The following GPC5 variants were observed in gnomAD, a reference collection of about 807,000 sequenced individuals.
GPC5 encodes glypican 5, also known as glypican-5.
In GPC5, 47 loss-of-function variants were observed where a neutral mutation model predicts 53.9. The ratio of observed to expected loss-of-function variants is 0.87; its 90% CI spans 0.69 to 1.11. GPC5 has a LOEUF of 1.11. GPC5 is among the 50% of genes most tolerant of loss of function. The pLI is 0.00. For missense variants in GPC5, 748 were observed against 713.1 expected (o/e 1.05, Z -0.56); for synonymous variants, 286 against 263.3 (o/e 1.09, Z -0.84).
intron 2 of GPC5, among the ~76,000 whole-genome samples, chr13:91,488,647 T>C (rs1883752019): frequency 1.3e-5 from 2 of 152,242 alleles, no homozygotes; most frequent in Admixed American, 6.5e-5. Context: ...CTTTAATCTC[T>C]TAATCCTGTC....
At chr13:92,291,884 GC>G (rs2042999272) in intron 7 of GPC5, among the ~76,000 whole-genome samples, 1 of 152,036 alleles carries the variant, frequency 6.6e-6, no homozygotes, top group South Asian at 2.1e-4. Flanking sequence ...TCACTCTTGA[GC>G]CAGTGAGACC....
intron 7 of GPC5, among the ~76,000 whole-genome samples, chr13:92,567,988 T>C (rs1211538081): frequency 6.6e-6 from 1 of 152,116 alleles, no homozygotes; most frequent in East Asian, 1.9e-4. Context: ...ATTCAGGTTA[T>C]TGGCTGAGCA....
At chr13:92,847,608 G>A (rs553531559) in intron 7 of GPC5, among the ~76,000 whole-genome samples, 2 of 151,754 alleles carry the variant, frequency 1.3e-5, no homozygotes, top group South Asian at 2.1e-4. Flanking sequence ...ACAGCCTGGG[G>A]AACCATGAGC....
intron 2 of GPC5, among the ~76,000 whole-genome samples, chr13:91,554,061 A>G (rs938589245): frequency 1.3e-5 from 2 of 152,030 alleles, no homozygotes; most frequent in Non-Finnish European, 2.9e-5. Flanking sequence ...TTGTCCTATC[A>G]TTCCCTTTTA....
chr13:92,602,800 C>T (rs1884123243), intron 7 of GPC5, among the ~76,000 whole-genome samples: 1 of 152,032 alleles, frequency 6.6e-6, no homozygotes, highest in Admixed American at 6.6e-5. Flanking sequence ...CTTGATGACT[C>T]ACTAAAAAGA....
chr13:91,639,694 C>A (rs771699418), intron 2 of GPC5, among the ~76,000 whole-genome samples: 2 of 152,046 alleles, frequency 1.3e-5, no homozygotes, highest in Admixed American at 1.3e-4. Context: ...AGTCCTGGGC[C>A]GAAAGGGATG....
chr13:92,769,423 G>C (rs750022574), intron 7 of GPC5, among the ~76,000 whole-genome samples: 1 of 149,306 alleles, frequency 6.7e-6, no homozygotes, highest in African/African-American at 2.5e-5. Context: ...TTTCTCATTA[G>C]TTCATTAAAA....
intron 6 of GPC5, among the ~76,000 whole-genome samples, chr13:91,932,061 G>C (rs551084617): frequency 2.0e-5 from 3 of 152,084 alleles, no homozygotes; most frequent in African/African-American, 7.2e-5. Flanking sequence ...AAAGTCCACT[G>C]ATCTAAAGGG....
intron 7 of GPC5, among the ~76,000 whole-genome samples, chr13:92,278,671 T>G (rs2042892663): frequency 6.6e-6 from 1 of 152,072 alleles, no homozygotes; most frequent in African/African-American, 2.4e-5. Context: ...TAGACCTTCA[T>G]TTAGGCTATG....
At chr13:92,720,165 C>A (rs532584737) in intron 7 of GPC5, among the ~76,000 whole-genome samples, 5 of 152,220 alleles carry the variant, frequency 3.3e-5, no homozygotes, top group African/African-American at 9.6e-5. Flanking sequence ...ATGAAACAAC[C>A]ATTTCTCTAA....
intron 5 of GPC5, among the ~76,000 whole-genome samples, chr13:91,861,221 G>A (rs2039024466): frequency 6.6e-6 from 1 of 152,132 alleles, no homozygotes; most frequent in Non-Finnish European, 1.5e-5. Context: ...ATGTCAATAA[G>A]ATCAAAGTGA....
chr13:91,829,427 T>C (rs540341230), intron 5 of GPC5, among the ~76,000 whole-genome samples: 7 of 152,166 alleles, frequency 4.6e-5, no homozygotes, highest in South Asian at 2.1e-4. Context: ...AATGAGGACA[T>C]AATGAGAATG....
At chr13:92,633,947 A>G (rs1473269578) in intron 7 of GPC5, among the ~76,000 whole-genome samples, 1 of 152,138 alleles carries the variant, frequency 6.6e-6, no homozygotes, top group Non-Finnish European at 1.5e-5. Flanking sequence ...TTATGTTAAG[A>G]CATACCATAT....
At chr13:91,870,062 AT>A (rs1434436266) in intron 5 of GPC5, among the ~76,000 whole-genome samples, 1 of 152,158 alleles carries the variant, frequency 6.6e-6, no homozygotes, top group Non-Finnish European at 1.5e-5. Flanking sequence ...TGTGAGAATG[AT>A]TTCTCACTTT....
At chr13:91,453,110 A>T (rs1268223736) in intron 2 of GPC5, among the ~76,000 whole-genome samples, 1 of 151,808 alleles carries the variant, frequency 6.6e-6, no homozygotes, top group Admixed American at 6.6e-5. Flanking sequence ...TTGGCTAATT[A>T]TATTTTGATT....
chr13:92,856,024 T>C (rs1026169419), intron 7 of GPC5, among the ~76,000 whole-genome samples: 2 of 151,966 alleles, frequency 1.3e-5, no homozygotes, highest in South Asian at 2.1e-4. Context: ...CCAATATCAT[T>C]GTGATACCAA....
chr13:92,754,368 C>A (rs189804635), intron 7 of GPC5, among the ~76,000 whole-genome samples: 20 of 152,262 alleles, frequency 1.3e-4, no homozygotes, highest in Admixed American at 7.2e-4. Flanking sequence ...CCAACTACTG[C>A]AAAATCATGC....
At chr13:92,477,053 A>T (rs1001470563) in intron 7 of GPC5, among the ~76,000 whole-genome samples, 5 of 55,654 alleles carry the variant, frequency 9.0e-5, no homozygotes, top group African/African-American at 6.6e-4. Flanking sequence ...ATAATAAAAA[A>T]TAAATAAATA....
At chr13:92,143,667 A>G (rs2041846973) in intron 6 of GPC5, among the ~76,000 whole-genome samples, 1 of 152,170 alleles carries the variant, frequency 6.6e-6, no homozygotes, top group South Asian at 2.1e-4. Context: ...TTGGTAACCT[A>G]AAATTTGTAC....
Sources: gnomAD v4.1 joint callset for allele counts (sites outside exome capture counted in the v4.1 genomes callset) on GRCh38, gnomAD v4.1.1 for gene constraint, MANE v1.5 for transcripts, NCBI Gene and HGNC (gene_info 2026-07-23, HGNC 2026-07-21) for gene names.